Variants in ALDH1L2 observed in about 807,000 individuals in gnomAD.
ALDH1L2 encodes aldehyde dehydrogenase 1 family member L2, also known as mitochondrial 10-formyltetrahydrofolate dehydrogenase.
Under a neutral mutation model 111.0 loss-of-function variants are expected in ALDH1L2, and 91 were observed. The ratio of observed to expected loss-of-function variants is 0.82; its 90% CI spans 0.69 to 0.98. The LOEUF is 0.98. Ranked by LOEUF, ALDH1L2 falls within the 50% of genes least tolerant of loss-of-function variation. ALDH1L2 has a pLI of 0.00. For missense variants in ALDH1L2, 995 were observed against 1,126.8 expected (o/e 0.88, Z 1.67); for synonymous variants, 374 against 392.6 (o/e 0.95, Z 0.56).
intron 15 of ALDH1L2, among the ~76,000 whole-genome samples, chr12:105,045,468 T>C (rs1875784216): frequency 7.0e-6 from 1 of 143,842 alleles, no homozygotes; most frequent in Non-Finnish European, 1.5e-5. Flanking sequence ...TATAATAATA[T>C]ATATCTCTCT....
At chr12:105,084,281 T>C (rs1472906767) in intron 1 of ALDH1L2, 108 bp downstream of exon 1, 3 of 1,259,378 alleles carry the variant, frequency 2.4e-6, no homozygotes, top group South Asian at 1.6e-5. Context: ...TTTAGCAAAG[T>C]CTAAGCATCG....
chr12:105,046,731 G>A lies in ALDH1L2; in HGVS notation c.1842C>T (p.Thr614=), dbSNP rs142161744. 459 of 1,613,978 alleles carry A rather than the reference G, an allele frequency of 2.8e-4. No homozygotes were observed. The highest frequency in any genetic ancestry group is 3.6e-4 in the Non-Finnish European group (429 of 1,180,010). ...KSAACLAAGN[T]LVLKPAQVTP... is the part of the protein sequence containing the mutation. ...TTACCTGTGCTGGCTTGAGCACTAA[G>A]GTATTGCCTGCTGCCAAACACGCAG... The change falls in exon 15 of 23, where the codon ACC becomes ACT. Residue 614 remains threonine, a synonymous_variant. Coordinates refer to ENST00000258494, the MANE Select transcript of ALDH1L2 (RefSeq NM_001034173.4).
At chr12:105,033,323 T>C (rs1048222509) in intron 19 of ALDH1L2, among the ~76,000 whole-genome samples, 1 of 152,232 alleles carries the variant, frequency 6.6e-6, no homozygotes, top group Non-Finnish European at 1.5e-5. Context: ...CTGGTCTCAG[T>C]GTTTGAAATT....
At chr12:105,052,303 G>C (rs1436387324) in intron 11 of ALDH1L2, 86 bp from the exon 12 acceptor site, 12 of 1,306,490 alleles carry the variant, frequency 9.2e-6, no homozygotes, top group African/African-American at 1.6e-5. Flanking sequence ...AGAAAAAATA[G>C]AGTATTACTG....
intron 2 of ALDH1L2, among the ~76,000 whole-genome samples, chr12:105,071,928 A>G (rs1353095846): frequency 6.7e-6 from 1 of 150,066 alleles, no homozygotes; most frequent in Non-Finnish European, 1.5e-5. Flanking sequence ...TCTCTACCAA[A>G]AAAACAAAAA....
At chr12:105,040,146 A>C (rs1215103145) in intron 16 of ALDH1L2, among the ~76,000 whole-genome samples, 5 of 150,572 alleles carry the variant, frequency 3.3e-5, no homozygotes, top group African/African-American at 9.9e-5. Flanking sequence ...AAAAAAAAAA[A>C]AAAAAACCTT....
intron 1 of ALDH1L2, among the ~76,000 whole-genome samples, chr12:105,079,456 A>T (rs1173066994): frequency 6.6e-6 from 1 of 152,120 alleles, no homozygotes; most frequent in Non-Finnish European, 1.5e-5. Flanking sequence ...AAAAGGAGGG[A>T]TGTCAGTACA....
chr12:105,042,614 A>G (rs2136063903), intron 15 of ALDH1L2, among the ~76,000 whole-genome samples: 1 of 152,320 alleles, frequency 6.6e-6, no homozygotes, highest in Non-Finnish European at 1.5e-5. Context: ...CTGTCATTAA[A>G]TATGGGGACT....
intron 4 of ALDH1L2, among the ~76,000 whole-genome samples, chr12:105,067,098 C>T (rs961736415): frequency 4.0e-5 from 6 of 151,688 alleles, no homozygotes; most frequent in Non-Finnish European, 7.4e-5. Context: ...CGCCTGTAGT[C>T]CCAGCTACTC....
chr12:105,039,776 TGTTCA>T lies in ALDH1L2; in HGVS notation c.1977_1981del (p.Glu660SerfsTer2). On this transcript the variant is annotated frameshift_variant, in exon 17 of 23. Transcript: ENST00000258494. LOFTEE classifies it high-confidence loss of function. Reference sequence around the variant, plus strand: ...GAAACCAAGTTTGCGGATGTCAGGATGTTCAGACAGACGTTGTCCTGCTATGCCAC... The same window carrying T: ...GAAACCAAGTTTGCGGATGTCAGGATGACAGACGTTGTCCTGCTATGCCAC... 1.2e-6 allele frequency: 2 copies of T among 1,614,096 alleles called. No homozygotes were observed. The highest frequency in any genetic ancestry group is 2.7e-5 in the African/African-American group (2 of 75,034).
At chr12:105,069,585 T>C (rs571273590) in intron 3 of ALDH1L2, among the ~76,000 whole-genome samples, 1 of 152,326 alleles carries the variant, frequency 6.6e-6, no homozygotes, top group African/African-American at 2.4e-5. Flanking sequence ...TAAGTGCAAA[T>C]ATGTCTACTA....
chr12:105,074,458 C>CAAAAAA (rs59114614), intron 1 of ALDH1L2, among the ~76,000 whole-genome samples: 10 of 38,816 alleles, frequency 2.6e-4, no homozygotes, highest in South Asian at 1.1e-3. Context: ...ACTCTGTCTC[C>CAAAAAA]AAAAAAAAAA....
At position 105,025,556 on chromosome 12, in the gene ALDH1L2, G is replaced by A. The variant is rs183990158; in HGVS notation, c.2716+989C>T. ...ATTAAAGACATGGAAAAGTTGGGGGGGAAGCCCTTACCTTCACCCAATGGA... is the reference window on the plus strand; with the variant it reads ...ATTAAAGACATGGAAAAGTTGGGGGAGAAGCCCTTACCTTCACCCAATGGA... On this transcript the variant is annotated intron_variant, in intron 22 of 22. Coordinates refer to ENST00000258494, the MANE Select transcript of ALDH1L2 (RefSeq NM_001034173.4). Among the ~76,000 whole-genome samples the A allele has an allele frequency of 2.6e-4, 39 of 152,162 alleles. 1 individual carries two copies. Among genetic ancestry groups the A allele is most frequent in the Admixed American group, 4.6e-4 (7 of 15,260 alleles).
chr12:105,082,798 G>A (rs895489080), intron 1 of ALDH1L2, among the ~76,000 whole-genome samples: 6 of 152,188 alleles, frequency 3.9e-5, no homozygotes, highest in Admixed American at 3.9e-4. Flanking sequence ...CAAAGTGGCT[G>A]TACCATTTTA....
Position 105,024,079 on chromosome 12 carries a change from C to G in ALDH1L2, c.*345G>C, listed in dbSNP as rs1874290556. 1 of 315,776 alleles carries G rather than the reference C, an allele frequency of 3.2e-6. No homozygotes were observed. The highest frequency in any genetic ancestry group is 5.8e-6 in the Non-Finnish European group (1 of 171,242). 19.6% of individuals were successfully genotyped at this position (315,776 alleles called of 1,614,324 possible). ...AACCTGTACATATTATACAAAGTTT[C>G]CAATAAATGCACCTTGTGTATTATA... On this transcript the variant is annotated 3_prime_UTR_variant, in exon 23 of 23. Transcript: ENST00000258494.
rs978394903 is a variant in ALDH1L2, at chr12:105,064,533, C to T, written c.786+734G>A. On this transcript the variant is annotated intron_variant, in intron 6 of 22. Coordinates refer to ENST00000258494, the MANE Select transcript of ALDH1L2 (RefSeq NM_001034173.4). ...ATGTACCCAGACTCCTGCTTAACTGCTGAGATTATCAAGACAATCACATGA... is the reference window on the plus strand; with the variant it reads ...ATGTACCCAGACTCCTGCTTAACTGTTGAGATTATCAAGACAATCACATGA... Among the ~76,000 whole-genome samples, 3 of 152,290 alleles carry T rather than the reference C, an allele frequency of 2.0e-5. No individual in the cohort carries two copies. In the East Asian group the frequency reaches 5.8e-4, roughly 29 times the overall value.
chr12:105,035,079 G>C (rs1012259018), intron 18 of ALDH1L2, among the ~76,000 whole-genome samples: 1 of 152,046 alleles, frequency 6.6e-6, no homozygotes, highest in Non-Finnish European at 1.5e-5. Context: ...CTCCCAAGTA[G>C]CTGGCACTAC....
chr12:105,035,597 C>T (rs773634145), intron 18 of ALDH1L2, among the ~76,000 whole-genome samples: 1 of 152,020 alleles, frequency 6.6e-6, no homozygotes, highest in African/African-American at 2.4e-5. Context: ...AGATTATAGG[C>T]GTAAGCCACC....
intron 15 of ALDH1L2, among the ~76,000 whole-genome samples, chr12:105,041,656 T>A (rs1287162650): frequency 1.3e-5 from 2 of 152,188 alleles, no homozygotes; most frequent in East Asian, 3.8e-4. Flanking sequence ...ATTTTCCAAT[T>A]CCCTCATTCC....
Sources: allele counts gnomAD v4.1 joint callset (sites outside exome capture counted in the v4.1 genomes callset), GRCh38; gene constraint gnomAD v4.1.1; transcripts MANE v1.5; gene names NCBI Gene and HGNC (gene_info 2026-07-23, HGNC 2026-07-21).